SH3D19: variants seen among roughly 807,000 people sequenced by gnomAD.
The protein encoded by SH3D19 is SH3 domain-containing protein 19.
SH3D19 carries 58 observed loss-of-function variants against 112.1 expected under a neutral mutation model. That is an observed-to-expected ratio of 0.52 (90% CI 0.42 to 0.64). SH3D19 has a LOEUF of 0.64. Among genes scored for constraint, SH3D19 ranks in the 30% least tolerant of loss-of-function variants. SH3D19 has a pLI of 0.00. For synonymous variants in SH3D19, 391 were observed against 448.5 expected, an observed-to-expected ratio of 0.87 and a Z score of 1.62; for missense variants, 1,090 against 1,263.4, an observed-to-expected ratio of 0.86 and a Z score of 2.08.
In SH3D19 at chr4:151,128,324, A is replaced by G; in HGVS notation, c.2775T>C (p.Ala925=). ...TGGTCTCTGCTGTAAAACTGTGAAGAGCTTCACACCATTCTGCCGGAAGAC... is the reference window on the plus strand; with the variant it reads ...TGGTCTCTGCTGTAAAACTGTGAAGGGCTTCACACCATTCTGCCGGAAGAC... ...VNSLPAEWCE[A]LHSFTAETSD... Residue 925 remains alanine (A), a synonymous_variant, in exon 18 of 20, where the codon GCT becomes GCC. Transcript: ENST00000604030. 1 of 1,613,872 alleles carries G rather than the reference A, an allele frequency of 6.2e-7. No homozygotes were observed. The highest frequency in any genetic ancestry group is 8.5e-7 in the Non-Finnish European group (1 of 1,179,876).
At chr4:151,298,260 C>A (rs1295579033) in intron 1 of SH3D19, among the ~76,000 whole-genome samples, 1 of 140,250 alleles carries the variant, frequency 7.1e-6, no homozygotes, top group African/African-American at 2.6e-5. Flanking sequence ...ACACTGCAAC[C>A]TCCGCCTCCC....
rs1246887468 is a variant in SH3D19, at chr4:151,311,107, A to ATATATATGTATGTATACATATATACATG, written c.112+14106_112+14133dup. Among the ~76,000 whole-genome samples the ATATATATGTATGTATACATATATACATG allele has an allele frequency of 1.5e-3, 219 of 149,798 alleles. 1 individual carries two copies. Among genetic ancestry groups the ATATATATGTATGTATACATATATACATG allele is most frequent in the Middle Eastern group, 3.4e-3 (1 of 294 alleles). On this transcript the variant is annotated intron_variant, in intron 1 of 19. Transcript: ENST00000604030. The stretch of plus-strand genomic sequence containing the variant: ...GCAGATATCTCTTTGAGATAGGGAG[A>ATATATATGTATGTATACATATATACATG]TATATATGTATGTATACATATATAC...
chr4:151,317,990 TA>T (rs139058641), intron 1 of SH3D19, among the ~76,000 whole-genome samples: 44,844 of 136,592 alleles, frequency 0.33, 7,098 homozygotes, highest in Middle Eastern at 0.4. Flanking sequence ...GGCTGTTTCT[TA>T]AAAAAAAAAA....
At chr4:151,268,217 G>A (rs528171846) in intron 1 of SH3D19, among the ~76,000 whole-genome samples, 7 of 152,182 alleles carry the variant, frequency 4.6e-5, no homozygotes, top group East Asian at 1.9e-4. Context: ...ACAATGGGAC[G>A]TATTTATGTA....
At chr4:151,265,569 C>CTTTTTTTTT (rs763878307) in intron 1 of SH3D19, among the ~76,000 whole-genome samples, 2 of 126,134 alleles carry the variant, frequency 1.6e-5, no homozygotes, top group African/African-American at 3.5e-5. Flanking sequence ...TATTTCTTTT[C>CTTTTTTTTT]TTTTTTTTTT....
chr4:151,142,889 A>G (rs1404191885), intron 12 of SH3D19, among the ~76,000 whole-genome samples: 1 of 152,226 alleles, frequency 6.6e-6, no homozygotes, highest in Non-Finnish European at 1.5e-5. Context: ...GCAAGTCTAT[A>G]GTAAAAGATG....
In SH3D19 at chr4:151,176,684, G is replaced by C; in HGVS notation, c.379C>G (p.Pro127Ala). 8.1e-7 allele frequency: 1 copy of C among 1,231,914 alleles called. No homozygotes were observed. The highest frequency in any genetic ancestry group is 1.0e-6 in the Non-Finnish European group (1 of 987,816). 76.3% of individuals were successfully genotyped at this position (1,231,914 alleles called of 1,614,324 possible). The change falls in exon 6 of 20, where the codon CCA (proline) becomes GCA (alanine). Residue 127 changes from proline (P) to alanine (A), a missense_variant. Physicochemically the swap from Pro to Ala is conservative, Grantham distance 27. Coordinates refer to ENST00000604030, the MANE Select transcript of SH3D19 (RefSeq NM_001378122.1). ...RPNELVPAEL[P>A]PSYEQVIKEI... is the part of the protein sequence containing the mutation. ...TTTATAACTTGTTCATAAGATGGTG[G>C]GAGCTGAAAAGTAAAGAATGAAGAT...
At chr4:151,216,599 C>A (rs147292310) in intron 2 of SH3D19, among the ~76,000 whole-genome samples, 3 of 152,214 alleles carry the variant, frequency 2.0e-5, no homozygotes, top group South Asian at 2.1e-4. Context: ...GAGTTCCATG[C>A]GCCCTGGACT....
At chr4:151,194,932 A>AGGTGT (rs1224396448) in intron 2 of SH3D19, among the ~76,000 whole-genome samples, 1 of 151,594 alleles carries the variant, frequency 6.6e-6, no homozygotes, top group Non-Finnish European at 1.5e-5. Context: ...AAAATTAGCC[A>AGGTGT]GGTGTGGTGG....
intron 1 of SH3D19, among the ~76,000 whole-genome samples, chr4:151,287,419 AG>A (rs574278628): frequency 6.4e-4 from 98 of 152,164 alleles, no homozygotes; most frequent in Middle Eastern, 6.8e-3. Flanking sequence ...AACCTGACAA[AG>A]GCATCACAAG....
At chr4:151,162,698 G>A (rs571946486) in intron 8 of SH3D19, among the ~76,000 whole-genome samples, 5 of 150,446 alleles carry the variant, frequency 3.3e-5, no homozygotes, top group South Asian at 4.2e-4. Flanking sequence ...GGGTTTAGGC[G>A]ATTCTCCTGC....
intron 1 of SH3D19, among the ~76,000 whole-genome samples, chr4:151,280,325 C>T (rs1273696075): frequency 1.3e-5 from 2 of 152,076 alleles, no homozygotes; most frequent in Non-Finnish European, 2.9e-5. Flanking sequence ...ATGTGGAACC[C>T]GCATCTCTAG....
chr4:151,137,578 A>T (rs140660483), intron 14 of SH3D19, among the ~76,000 whole-genome samples, 154 bp downstream of exon 14: 1 of 152,334 alleles, frequency 6.6e-6, no homozygotes, highest in East Asian at 1.9e-4. Context: ...ACCATCACCT[A>T]GTTGACCAAA....
intron 1 of SH3D19, among the ~76,000 whole-genome samples, chr4:151,274,852 G>C (rs1773468890): frequency 6.6e-6 from 1 of 152,146 alleles, no homozygotes; most frequent in Non-Finnish European, 1.5e-5. Flanking sequence ...CAGCATGGCT[G>C]GTTCTTTCTG....
intron 9 of SH3D19, among the ~76,000 whole-genome samples, chr4:151,149,792 G>A (rs1001669830): frequency 1.3e-5 from 2 of 152,140 alleles, no homozygotes; most frequent in African/African-American, 4.8e-5. Context: ...GTCTCCTGTT[G>A]TGGACCACAG....
rs1759810046 is a variant in SH3D19 at position 151,175,563 on chromosome 4, C to T, written c.641G>A (p.Cys214Tyr). 5 of 1,352,904 alleles carry T rather than the reference C, an allele frequency of 3.7e-6. No homozygotes were observed. The highest frequency in any genetic ancestry group is 4.7e-6 in the Non-Finnish European group (5 of 1,059,538). The allele number at this position is 1,352,904 out of a possible 1,614,324, so 83.8% of individuals were successfully genotyped here. ...TCTTGTAGCACTGGGGTTTTCTGGA[C>T]AATTCGGTTCTTCAGAAATATCAAA... ...IVFDISEEPNCPENPSATRCP... is the reference protein window; with the variant it reads ...IVFDISEEPNYPENPSATRCP... The change falls in exon 7 of 20, where the codon TGT becomes TAT. Residue 214 changes from cysteine (C) to tyrosine (Y), a missense_variant. Transcript: ENST00000604030.
At chr4:151,140,932 C>A (rs1752874612) in intron 12 of SH3D19, 1 of 152,138 alleles carries the variant, frequency 6.6e-6, no homozygotes, top group Non-Finnish European at 1.5e-5. Flanking sequence ...CCAAAATGCA[C>A]CTGCAGAAAC....
intron 1 of SH3D19, among the ~76,000 whole-genome samples, chr4:151,279,437 G>A (rs1315443719): frequency 1.3e-5 from 2 of 152,154 alleles, no homozygotes; most frequent in African/African-American, 2.4e-5. Flanking sequence ...CCACTAATAG[G>A]TAGAAGGCAT....
At chr4:151,131,509 C>G (rs1478853529) in intron 17 of SH3D19, among the ~76,000 whole-genome samples, 1 of 142,118 alleles carries the variant, frequency 7.0e-6, no homozygotes, top group African/African-American at 2.6e-5. Flanking sequence ...TTTTTTGAGG[C>G]AGAGTCTTGC....
Sources: allele counts gnomAD v4.1 joint callset (sites outside exome capture counted in the v4.1 genomes callset), GRCh38; gene constraint gnomAD v4.1.1; transcripts MANE v1.5; gene names NCBI Gene and HGNC (gene_info 2026-07-23, HGNC 2026-07-21).